TTC23: variants seen among roughly 807,000 people sequenced by gnomAD.
The protein encoded by TTC23 is tetratricopeptide repeat protein 23.
In TTC23, 58 loss-of-function variants were observed where a neutral mutation model predicts 55.1. The observed-to-expected ratio is 1.05, with a 90% CI of 0.85 to 1.31. The LOEUF (loss-of-function observed/expected upper bound fraction) is 1.31, where lower values mean the gene tolerates loss of function less well. TTC23 is among the 50% of genes most tolerant of loss of function. TTC23 has a pLI of 0.00. For missense variants in TTC23, 516 were observed against 534.4 expected (o/e 0.97, Z 0.34); for synonymous variants, 203 against 199.9 (o/e 1.02, Z -0.13).
chr15:99,141,070 A>C (rs1268645686), intron 12 of TTC23: 11 of 152,350 alleles, frequency 7.2e-5, no homozygotes, highest in African/African-American at 2.6e-4. Context: ...CAGACTGCAA[A>C]AACTACCAAG....
In TTC23 at chr15:99,218,679, C is replaced by T. The variant is rs771919342; in HGVS notation, c.490G>A (p.Glu164Lys). The change falls in exon 8 of 14, where the codon GAG becomes AAG. Residue 164 changes from glutamate to lysine, a missense_variant. Glu to Lys is a moderately conservative substitution (Grantham distance 56). Transcript: ENST00000394132. ...TGTAGCAGCTCCTTTGAAAGTCTCT[C>T]TGCTTTTGTCAAATTCTCTGCAGCT... ...KEAAENLTKA[E>K]RLSKELLQCG... The T allele has an allele frequency of 1.9e-6, 3 of 1,614,178 alleles. No homozygotes were observed. Among genetic ancestry groups the T allele is most frequent in the South Asian group, 1.1e-5 (1 of 91,084 alleles).
intron 9 of TTC23, among the ~76,000 whole-genome samples, chr15:99,182,240 TCTCTCTCTCACA>T (rs752060926): frequency 0.04 from 4,477 of 112,480 alleles, 82 homozygotes; most frequent in Non-Finnish European, 0.057. Context: ...TCTCTCTCTC[TCTCTCTCTCACA>T]CACACACACA....
At chr15:99,148,360 CAAAAAAAAAAAAAA>C (rs57733522) in intron 12 of TTC23, among the ~76,000 whole-genome samples, 533 of 30,428 alleles carry the variant, frequency 0.018, 42 homozygotes, top group African/African-American at 0.027. Context: ...GACTCTGTAC[CAAAAAAAAAAAAAA>C]AAAAAAAAAA....
intron 3 of TTC23, among the ~76,000 whole-genome samples, chr15:99,236,863 T>A (rs1412444132): frequency 6.6e-6 from 1 of 152,244 alleles, no homozygotes; most frequent in Non-Finnish European, 1.5e-5. Context: ...GTTTTCAATT[T>A]TGAAGTAGCC....
At chr15:99,208,081 CAATT>C (rs1389477373) in intron 8 of TTC23, among the ~76,000 whole-genome samples, 8 of 151,894 alleles carry the variant, frequency 5.3e-5, no homozygotes, top group Non-Finnish European at 8.8e-5. Context: ...TCAAAATAGA[CAATT>C]AAATTAGAGG....
At chr15:99,216,455 A>C (rs73469344) in intron 8 of TTC23, among the ~76,000 whole-genome samples, 2,119 of 152,214 alleles carry the variant, frequency 0.014, 57 homozygotes, top group African/African-American at 0.049. Context: ...CAAAATTAAT[A>C]AGCGGGCAAT....
chr15:99,163,268 C>A (rs1276144474), intron 10 of TTC23, among the ~76,000 whole-genome samples: 1 of 152,126 alleles, frequency 6.6e-6, no homozygotes, highest in African/African-American at 2.4e-5. Context: ...AGGATTTTGC[C>A]TGCTGCTGAG....
At chr15:99,218,092 C>T (rs1293313700) in intron 8 of TTC23, among the ~76,000 whole-genome samples, 1 of 152,230 alleles carries the variant, frequency 6.6e-6, no homozygotes, top group Non-Finnish European at 1.5e-5. Flanking sequence ...ACTAACTATG[C>T]ACAACCTTCT....
chr15:99,241,234 G>A (rs1022080312), intron 3 of TTC23, 131 bp downstream of exon 3: 1 of 152,762 alleles, frequency 6.5e-6, no homozygotes, highest in Admixed American at 6.5e-5. Context: ...AGAATCGCTT[G>A]AACCTGGGAG....
At chr15:99,173,160 A>C (rs959684854) in intron 10 of TTC23, among the ~76,000 whole-genome samples, 1 of 152,176 alleles carries the variant, frequency 6.6e-6, no homozygotes, top group Non-Finnish European at 1.5e-5. Context: ...CTGCCAGTTT[A>C]CGCCCCCAAG....
intron 12 of TTC23, among the ~76,000 whole-genome samples, chr15:99,147,651 C>G (rs189451176): frequency 2.1e-3 from 315 of 152,310 alleles, no homozygotes; most frequent in Non-Finnish European, 3.6e-3. Flanking sequence ...TCTTTAAGCA[C>G]ACTTCTCAAC....
chr15:99,242,333 G>T (rs912464600), intron 2 of TTC23, among the ~76,000 whole-genome samples: 7 of 151,830 alleles, frequency 4.6e-5, no homozygotes, highest in Non-Finnish European at 1.5e-5. Context: ...TCTATAACAA[G>T]TAAAAAAATT....
intron 8 of TTC23, 129 bp downstream of exon 8, chr15:99,218,459 T>G: frequency 8.1e-7 from 1 of 1,235,576 alleles, no homozygotes; most frequent in Non-Finnish European, 1.1e-6. Flanking sequence ...CCTCTTTTAC[T>G]TTTACACAGT....
intron 8 of TTC23, among the ~76,000 whole-genome samples, chr15:99,216,835 C>G (rs1424964450): frequency 6.6e-6 from 1 of 152,078 alleles, no homozygotes; most frequent in East Asian, 1.9e-4. Flanking sequence ...GTACTCAGTA[C>G]CACCCCTGGA....
chr15:99,212,294 A>G (rs947191002), intron 8 of TTC23, among the ~76,000 whole-genome samples: 1 of 147,256 alleles, frequency 6.8e-6, no homozygotes, highest in East Asian at 2.0e-4. Flanking sequence ...GTGTGTGTGC[A>G]TGCATGTGCA....
At chr15:99,213,470 A>C (rs2077205389) in intron 8 of TTC23, among the ~76,000 whole-genome samples, 2 of 152,234 alleles carry the variant, frequency 1.3e-5, no homozygotes, top group African/African-American at 4.8e-5. Context: ...TTTTATAGCA[A>C]CACTGCTCAA....
Position 99,139,307 on chromosome 15 carries a change from G to C in TTC23, c.1226+10C>G. Reference sequence around the variant, plus strand: ...ATGAGATAGAGAAAGTGTGAGGGACGCCAACTCACGTGGACAGCATGCCCA... The same window carrying C: ...ATGAGATAGAGAAAGTGTGAGGGACCCCAACTCACGTGGACAGCATGCCCA... On this transcript the variant is annotated intron_variant, in intron 13 of 13. Coordinates refer to ENST00000394132, the MANE Select transcript of TTC23 (RefSeq NM_001288615.3). 1 of 1,610,506 alleles carries C rather than the reference G, an allele frequency of 6.2e-7. No individual in the cohort carries two copies. Among genetic ancestry groups the C allele is most frequent in the Non-Finnish European group, 8.5e-7 (1 of 1,179,908 alleles).
intron 10 of TTC23, among the ~76,000 whole-genome samples, chr15:99,168,914 G>T (rs555843398): frequency 6.6e-6 from 1 of 152,294 alleles, no homozygotes; most frequent in East Asian, 1.9e-4. Context: ...TGTGGTAAGT[G>T]GGTAGCACCT....
chr15:99,175,187 T>C (rs373394174), intron 9 of TTC23, 32 bp from the exon 10 acceptor site: 1 of 1,580,758 alleles, frequency 6.3e-7, no homozygotes, highest in Non-Finnish European at 8.7e-7. Flanking sequence ...ACATGTTGTT[T>C]ACATACTTGG....
Sources: allele counts gnomAD v4.1 joint callset (sites outside exome capture counted in the v4.1 genomes callset), GRCh38; gene constraint gnomAD v4.1.1; transcripts MANE v1.5; gene names NCBI Gene and HGNC (gene_info 2026-07-23, HGNC 2026-07-21).